Variants in LOC128092252 observed in about 807,000 individuals in gnomAD.
chr15:50,654,480 G>C, the LOC128092252 span, among the ~76,000 whole-genome samples: 1 of 150,894 alleles, frequency 6.6e-6, no homozygotes, highest in Non-Finnish European at 1.5e-5. Flanking sequence ...ATATAAAAAA[G>C]ATGAAGGAAA....
chr15:50,685,043 G>A, the LOC128092252 span, among the ~76,000 whole-genome samples: 2 of 152,078 alleles, frequency 1.3e-5, no homozygotes, highest in Admixed American at 6.6e-5. Flanking sequence ...CATTTGTCTG[G>A]GATTTGCTTT....
the LOC128092252 span, among the ~76,000 whole-genome samples, chr15:50,673,741 G>A: frequency 5.3e-5 from 8 of 152,040 alleles, no homozygotes; most frequent in Admixed American, 4.6e-4. Flanking sequence ...ATAAACATGC[G>A]TACGCAAGTA....
chr15:50,654,602 C>T, the LOC128092252 span, among the ~76,000 whole-genome samples: 1 of 151,420 alleles, frequency 6.6e-6, no homozygotes, highest in South Asian at 2.1e-4. Context: ...AATAGACAGT[C>T]ATAATGAGAG....
chr15:50,658,446 T>A, the LOC128092252 span, among the ~76,000 whole-genome samples: 1 of 151,796 alleles, frequency 6.6e-6, no homozygotes, highest in East Asian at 1.9e-4. Context: ...GGTGCAGGCC[T>A]ATAGTCCTAG....
chr15:50,681,482 T>G, the LOC128092252 span, among the ~76,000 whole-genome samples: 1 of 152,180 alleles, frequency 6.6e-6, no homozygotes, highest in Non-Finnish European at 1.5e-5. Context: ...CTAGTCTAAT[T>G]ATGTTTCTCC....
the LOC128092252 span, among the ~76,000 whole-genome samples, chr15:50,679,534 ATATAT>A: frequency 3.1e-3 from 181 of 57,646 alleles, 1 homozygote; most frequent in Non-Finnish European, 3.8e-3. Flanking sequence ...ATATATATAT[ATATAT>A]TTTTTTTTTT....
At chr15:50,676,414 T>C in the LOC128092252 span, among the ~76,000 whole-genome samples, 2 of 151,938 alleles carry the variant, frequency 1.3e-5, no homozygotes, top group South Asian at 4.1e-4. Flanking sequence ...CCACCATAAA[T>C]TCTGGACAAA....
At chr15:50,668,744 G>A in the LOC128092252 span, among the ~76,000 whole-genome samples, 1 of 152,176 alleles carries the variant, frequency 6.6e-6, no homozygotes, top group African/African-American at 2.4e-5. Context: ...CTGACATCAA[G>A]TGATTCACCT....
At chr15:50,679,530 ATATATATAT>A in the LOC128092252 span, among the ~76,000 whole-genome samples, 1 of 44,852 alleles carries the variant, frequency 2.2e-5, no homozygotes, top group Non-Finnish European at 4.1e-5. Flanking sequence ...ATATATATAT[ATATATATAT>A]TTTTTTTTTT....
the LOC128092252 span, among the ~76,000 whole-genome samples, chr15:50,677,395 T>G: frequency 6.6e-6 from 1 of 151,688 alleles, no homozygotes; most frequent in South Asian, 2.1e-4. Flanking sequence ...GAGATCACAT[T>G]CAGTACATAA....
the LOC128092252 span, among the ~76,000 whole-genome samples, chr15:50,668,944 G>A: frequency 2.6e-5 from 4 of 152,194 alleles, no homozygotes; most frequent in Non-Finnish European, 5.9e-5. Flanking sequence ...TTGACTTGTA[G>A]AGCCAATTAA....
the LOC128092252 span, among the ~76,000 whole-genome samples, chr15:50,683,533 G>C: frequency 6.6e-6 from 1 of 151,880 alleles, no homozygotes; most frequent in Non-Finnish European, 1.5e-5. Context: ...TCAGGAGTTT[G>C]AGACCAGCCT....
At chr15:50,684,089 T>A in the LOC128092252 span, among the ~76,000 whole-genome samples, 14 of 151,990 alleles carry the variant, frequency 9.2e-5, no homozygotes, top group African/African-American at 3.1e-4. Context: ...TGACCTCAAG[T>A]GATCCGGGAT....
the LOC128092252 span, among the ~76,000 whole-genome samples, chr15:50,662,454 T>TA: frequency 1.5e-3 from 225 of 152,350 alleles, no homozygotes; most frequent in Middle Eastern, 3.4e-3. Flanking sequence ...AAAGCCATCT[T>TA]AGAGACCAAA....
the LOC128092252 span, among the ~76,000 whole-genome samples, chr15:50,681,262 A>ACAC: frequency 5.6e-5 from 3 of 53,610 alleles, no homozygotes; most frequent in South Asian, 2.1e-3. Flanking sequence ...AAAATAAATA[A>ACAC]ATACACACAC....
the LOC128092252 span, among the ~76,000 whole-genome samples, chr15:50,679,324 A>G: frequency 1.4e-5 from 2 of 145,552 alleles, no homozygotes; most frequent in African/African-American, 5.0e-5. Flanking sequence ...AACAGAGCAA[A>G]ACACTATCCA....
chr15:50,662,713 G>A, the LOC128092252 span, among the ~76,000 whole-genome samples: 1 of 152,082 alleles, frequency 6.6e-6, no homozygotes, highest in South Asian at 2.1e-4. Context: ...TATGATCTGA[G>A]GGAGTTTAGA....
At chr15:50,670,527 C>T in the LOC128092252 span, among the ~76,000 whole-genome samples, 2 of 152,072 alleles carry the variant, frequency 1.3e-5, no homozygotes, top group Admixed American at 1.3e-4. Context: ...TACTAAAAGA[C>T]ACTCTAACCA....
the LOC128092252 span, among the ~76,000 whole-genome samples, chr15:50,677,832 T>C: frequency 2.7e-5 from 4 of 149,390 alleles, no homozygotes; most frequent in Non-Finnish European, 5.9e-5. Context: ...TGACTAGATA[T>C]GGTAATGGAC....
Sources: gnomAD v4.1 joint callset for allele counts (sites outside exome capture counted in the v4.1 genomes callset) on GRCh38, gnomAD v4.1.1 for gene constraint, MANE v1.5 for transcripts.